OSBPL10: variants seen among roughly 807,000 people sequenced by gnomAD.
The protein encoded by OSBPL10 is oxysterol binding protein like 10, also known as oxysterol-binding protein-related protein 10.
Under a neutral mutation model 81.7 loss-of-function variants are expected in OSBPL10, and 49 were observed. That is an observed-to-expected ratio of 0.60 (90% CI 0.48 to 0.76). The LOEUF is 0.76. Ranked by LOEUF, OSBPL10 falls within the 30% of genes least tolerant of loss-of-function variation. The probability of loss-of-function intolerance (pLI) is 0.00; values close to 1 mark genes in which losing one functional copy is unlikely to be tolerated. For missense variants in OSBPL10, 923 were observed against 987.8 expected (o/e 0.93, Z 0.88); for synonymous variants, 419 against 383.6 (o/e 1.09, Z -1.08).
chr3:31,698,725 G>A (rs548245394), intron 7 of OSBPL10, among the ~76,000 whole-genome samples: 8 of 152,202 alleles, frequency 5.3e-5, no homozygotes, highest in South Asian at 2.1e-4. Flanking sequence ...ACACTCTTCC[G>A]TAGATGCTCA....
chr3:31,662,004 GATACTCTACTACTTTA>G lies in OSBPL10; in HGVS notation c.*52_*67del. 6.3e-7 allele frequency: 1 copy of G among 1,586,914 alleles called. No individual in the cohort carries two copies. The highest frequency in any genetic ancestry group is 1.2e-5 in the South Asian group (1 of 86,596). On this transcript the variant is annotated 3_prime_UTR_variant, in exon 12 of 12. Coordinates refer to ENST00000396556, the MANE Select transcript of OSBPL10 (RefSeq NM_017784.5). ...TCTCAGTGAATGCCAACAAAACCCTGATACTCTACTACTTTAATATTCCTACAAAAACAGGGCTATA... is the reference window on the plus strand; with the variant it reads ...TCTCAGTGAATGCCAACAAAACCCTGATATTCCTACAAAAACAGGGCTATA...
chr3:31,664,338 C>T (rs1187273122), intron 10 of OSBPL10, 106 bp from the exon 11 acceptor site: 3 of 1,202,784 alleles, frequency 2.5e-6, no homozygotes, highest in Non-Finnish European at 3.5e-6. Flanking sequence ...CCAGGCAAGC[C>T]CCCTCTGGGG....
At chr3:31,842,219 G>A (rs1045915291) in intron 3 of OSBPL10, among the ~76,000 whole-genome samples, 6 of 152,154 alleles carry the variant, frequency 3.9e-5, no homozygotes, top group Admixed American at 6.6e-5. Context: ...GGATGATTTC[G>A]CTGTTTTGAT....
intron 1 of OSBPL10, among the ~76,000 whole-genome samples, chr3:31,907,619 C>CCAA (rs1308181377): frequency 1.1e-4 from 7 of 63,868 alleles, no homozygotes; most frequent in South Asian, 7.1e-4. Flanking sequence ...ACCTCCATCT[C>CCAA]AAAAAAAAAA....
chr3:31,942,152 G>A (rs1697550597), intron 1 of OSBPL10, among the ~76,000 whole-genome samples: 1 of 152,158 alleles, frequency 6.6e-6, no homozygotes. Context: ...GCAGGCACCT[G>A]TAGTCCCAAC....
At chr3:31,828,369 G>C (rs1001629780) in intron 4 of OSBPL10, among the ~76,000 whole-genome samples, 16 of 152,088 alleles carry the variant, frequency 1.1e-4, no homozygotes, top group Non-Finnish European at 1.8e-4. Flanking sequence ...TTAAAGTAAG[G>C]TGATGGATAT....
chr3:31,954,286 C>T (rs1697950404), intron 1 of OSBPL10, among the ~76,000 whole-genome samples: 1 of 152,158 alleles, frequency 6.6e-6, no homozygotes, highest in Admixed American at 6.5e-5. Flanking sequence ...CTAAGCCCCT[C>T]AACTCTAATC....
At chr3:31,738,699 G>C (rs932983183) in intron 5 of OSBPL10, among the ~76,000 whole-genome samples, 7 of 152,120 alleles carry the variant, frequency 4.6e-5, no homozygotes, top group African/African-American at 1.7e-4. Flanking sequence ...AAGGCATTAA[G>C]AACTAGTAAG....
intron 4 of OSBPL10, among the ~76,000 whole-genome samples, chr3:31,806,398 A>C (rs1699523994): frequency 6.6e-6 from 1 of 152,224 alleles, no homozygotes; most frequent in African/African-American, 2.4e-5. Context: ...ACTGAAAAGA[A>C]CTCAAATGCA....
intron 1 of OSBPL10, among the ~76,000 whole-genome samples, chr3:32,052,227 A>C (rs1699675475): frequency 6.6e-6 from 1 of 151,668 alleles, no homozygotes; most frequent in Non-Finnish European, 1.5e-5. Context: ...AACCTGAGTG[A>C]CAGAATAAGA....
At chr3:32,007,633 G>A (rs1393523618) in intron 2 of OSBPL10, among the ~76,000 whole-genome samples, 3 of 151,980 alleles carry the variant, frequency 2.0e-5, no homozygotes, top group South Asian at 4.2e-4. Flanking sequence ...TCTCTTATAC[G>A]GACACTAATG....
At chr3:31,825,994 T>C (rs1437420308) in intron 4 of OSBPL10, among the ~76,000 whole-genome samples, 2 of 152,228 alleles carry the variant, frequency 1.3e-5, no homozygotes, top group African/African-American at 4.8e-5. Context: ...TATAGTGATT[T>C]AGAATCTAAA....
At position 32,074,691 on chromosome 3, in the gene OSBPL10, C is replaced by T. The variant is rs560740541; in HGVS notation, n.185+2705G>A. Among the ~76,000 whole-genome samples, 3 of 152,312 alleles carry T rather than the reference C, an allele frequency of 2.0e-5. No homozygotes were observed. In the East Asian group the frequency reaches 5.8e-4, roughly 29 times the overall value. On this transcript the variant is annotated intron_variant and non_coding_transcript_variant, in intron 1 of 3. Transcript: ENST00000479173. The stretch of plus-strand genomic sequence containing the variant: ...GTTACTTGTAGACACTATGCACTTT[C>T]TCATATACCATGAAAACCGAACCCC...
chr3:31,930,797 G>C (rs1480595948), intron 1 of OSBPL10, among the ~76,000 whole-genome samples: 1 of 151,716 alleles, frequency 6.6e-6, no homozygotes, highest in Admixed American at 6.6e-5. Context: ...GGTAGATCAC[G>C]AGGTCAGGAG....
At chr3:31,959,315 A>C (rs1698094583) in intron 1 of OSBPL10, among the ~76,000 whole-genome samples, 1 of 152,232 alleles carries the variant, frequency 6.6e-6, no homozygotes, top group African/African-American at 2.4e-5. Context: ...ATAGATCAGA[A>C]GCAGTCCTAA....
At chr3:31,729,919 G>A (rs545010841) in intron 6 of OSBPL10, among the ~76,000 whole-genome samples, 66 of 152,312 alleles carry the variant, frequency 4.3e-4, no homozygotes, top group African/African-American at 1.4e-3. Context: ...CCAGCAGCAC[G>A]AGCAGGAGGA....
chr3:32,005,763 A>C (rs561118362), intron 2 of OSBPL10, among the ~76,000 whole-genome samples: 1 of 149,836 alleles, frequency 6.7e-6, no homozygotes, highest in South Asian at 2.1e-4. Context: ...AATTTTTTGT[A>C]TTTTTAGTAG....
At chr3:31,853,458 C>T (rs1700820086) in intron 3 of OSBPL10, among the ~76,000 whole-genome samples, 1 of 152,050 alleles carries the variant, frequency 6.6e-6, no homozygotes, top group Non-Finnish European at 1.5e-5. Flanking sequence ...CTAATTTGTA[C>T]CACAGGCAAG....
chr3:31,807,374 AAAATAAATAAATAAAT>A (rs536299438), intron 4 of OSBPL10, among the ~76,000 whole-genome samples: 1 of 137,330 alleles, frequency 7.3e-6, no homozygotes, highest in Non-Finnish European at 1.6e-5. Flanking sequence ...CTGTCTCAGA[AAAATAAATAAATAAAT>A]AAATAAATAA....
Sources: gnomAD v4.1 joint callset for allele counts (sites outside exome capture counted in the v4.1 genomes callset) on GRCh38, gnomAD v4.1.1 for gene constraint, MANE v1.5 for transcripts, NCBI Gene and HGNC (gene_info 2026-07-23, HGNC 2026-07-21) for gene names.